CNTNAP2: variants seen among roughly 807,000 people sequenced by gnomAD.
CNTNAP2 encodes the protein contactin-associated protein-like 2.
Under a neutral mutation model 155.2 loss-of-function variants are expected in CNTNAP2, and 98 were observed. That is an observed-to-expected ratio of 0.63 (90% confidence interval 0.54 to 0.75). The LOEUF (loss-of-function observed/expected upper bound fraction) is 0.75. CNTNAP2 is among the 30% of genes least tolerant of loss of function. The pLI, the probability that CNTNAP2 is intolerant of heterozygous loss-of-function variation, is 0.00. For missense variants in CNTNAP2, 1,727 were observed against 1,688.1 expected, an observed-to-expected ratio of 1.02 and a Z score of -0.40; for synonymous variants, 651 against 631.2, an observed-to-expected ratio of 1.03 and a Z score of -0.47.
chr7:148,016,279 A>G (rs139357147), intron 15 of CNTNAP2, among the ~76,000 whole-genome samples: 38 of 152,182 alleles, frequency 2.5e-4, no homozygotes, highest in African/African-American at 9.2e-4. Flanking sequence ...GGTAGAGCTG[A>G]TTGTGATACC....
intron 3 of CNTNAP2, among the ~76,000 whole-genome samples, chr7:146,869,206 T>A (rs1422791426): frequency 6.6e-6 from 1 of 152,216 alleles, no homozygotes; most frequent in Non-Finnish European, 1.5e-5. Flanking sequence ...ACCTAGTTTA[T>A]TGAGAGTTTT....
At chr7:147,824,833 G>T (rs1798422575) in intron 13 of CNTNAP2, among the ~76,000 whole-genome samples, 1 of 152,078 alleles carries the variant, frequency 6.6e-6, no homozygotes, top group African/African-American at 2.4e-5. Flanking sequence ...CTGAGTAGTT[G>T]TCTGGGGGAC....
At chr7:146,622,243 A>ATATC (rs71165020) in intron 1 of CNTNAP2, among the ~76,000 whole-genome samples, 9,502 of 144,292 alleles carry the variant, frequency 0.066, 367 homozygotes, top group Admixed American at 0.1. Flanking sequence ...ATGTGTGTGT[A>ATATC]TATCTATCTA....
At chr7:146,127,241 C>T (rs1797650504) in intron 1 of CNTNAP2, among the ~76,000 whole-genome samples, 1 of 152,142 alleles carries the variant, frequency 6.6e-6, no homozygotes, top group Admixed American at 6.5e-5. Flanking sequence ...AGAGGAAACT[C>T]ATTTACGGTC....
At chr7:148,090,635 C>T (rs981744403) in intron 15 of CNTNAP2, among the ~76,000 whole-genome samples, 5 of 152,182 alleles carry the variant, frequency 3.3e-5, no homozygotes, top group African/African-American at 9.6e-5. Flanking sequence ...GGAACCATTA[C>T]ACATTGTTGG....
At chr7:147,324,685 T>C (rs1795417568) in intron 9 of CNTNAP2, among the ~76,000 whole-genome samples, 1 of 152,236 alleles carries the variant, frequency 6.6e-6, no homozygotes, top group Non-Finnish European at 1.5e-5. Context: ...ATGCTGATTT[T>C]ATTTTTACTT....
At chr7:148,217,640 CA>C in intron 19 of CNTNAP2, 116 bp downstream of exon 19, 1 of 1,141,726 alleles carries the variant, frequency 8.8e-7, no homozygotes, top group Non-Finnish European at 1.3e-6. Flanking sequence ...CTTTTTTAAG[CA>C]AGTCACATAA....
intron 1 of CNTNAP2, among the ~76,000 whole-genome samples, chr7:146,597,270 A>T (rs1214640162): frequency 6.6e-6 from 1 of 152,064 alleles, no homozygotes; most frequent in Non-Finnish European, 1.5e-5. Context: ...AAGGTTATTT[A>T]GTGTGCTTTA....
At chr7:147,621,105 C>A (rs886366272) in intron 12 of CNTNAP2, among the ~76,000 whole-genome samples, 1 of 152,018 alleles carries the variant, frequency 6.6e-6, no homozygotes, top group Non-Finnish European at 1.5e-5. Flanking sequence ...AAGAAAAAAA[C>A]TTTTACCCTA....
At chr7:146,635,278 G>A (rs911085537) in intron 1 of CNTNAP2, among the ~76,000 whole-genome samples, 1 of 152,054 alleles carries the variant, frequency 6.6e-6, no homozygotes, top group African/African-American at 2.4e-5. Flanking sequence ...TTCCATATTG[G>A]CTCTAAGAAA....
At position 146,840,336 on chromosome 7, in the gene CNTNAP2, G is replaced by A. The variant is rs564657558; in HGVS notation, c.402+432G>A. On this transcript the variant is annotated intron_variant, in intron 3 of 23. Coordinates refer to ENST00000361727, the MANE Select transcript of CNTNAP2 (RefSeq NM_014141.6). ...AAAAGAACTTGTCCATTTTATAATA[G>A]TGTCTTAAACACTTATTACAGATCT... 1.4e-4 allele frequency among the ~76,000 whole-genome samples: 21 copies of A among 152,258 alleles called. No individual in the cohort carries two copies. In the East Asian group the frequency reaches 4.1e-3, roughly 29 times the overall value.
chr7:146,589,430 T>G (rs1252941997), intron 1 of CNTNAP2, among the ~76,000 whole-genome samples: 5 of 152,056 alleles, frequency 3.3e-5, no homozygotes, highest in Non-Finnish European at 7.4e-5. Context: ...TAAAAAAGGA[T>G]GAGTTCATGT....
chr7:146,730,584 CTAA>C (rs1801508542), intron 1 of CNTNAP2, among the ~76,000 whole-genome samples: 2 of 152,068 alleles, frequency 1.3e-5, no homozygotes, highest in African/African-American at 4.8e-5. Flanking sequence ...TTATTTATAA[CTAA>C]TGTTTATTAA....
At chr7:146,612,032 A>G (rs1799146861) in intron 1 of CNTNAP2, among the ~76,000 whole-genome samples, 1 of 152,232 alleles carries the variant, frequency 6.6e-6, no homozygotes, top group Admixed American at 6.5e-5. Flanking sequence ...AACACTATCT[A>G]CAATAAAAAT....
At chr7:147,067,289 C>CAAA (rs36080849) in intron 4 of CNTNAP2, among the ~76,000 whole-genome samples, 5 of 67,962 alleles carry the variant, frequency 7.4e-5, no homozygotes, top group African/African-American at 1.2e-4. Context: ...GACTCCGTCT[C>CAAA]AAAAAAAAAA....
chr7:147,325,560 C>T (rs988974554), intron 9 of CNTNAP2, among the ~76,000 whole-genome samples: 6 of 152,020 alleles, frequency 3.9e-5, no homozygotes, highest in South Asian at 4.2e-4. Context: ...GAAAATGAAG[C>T]GTAACTCCTA....
chr7:148,264,918 C>G (rs561197682), intron 20 of CNTNAP2, among the ~76,000 whole-genome samples: 8 of 152,252 alleles, frequency 5.3e-5, no homozygotes, highest in African/African-American at 1.4e-4. Context: ...TGGTCTCGAT[C>G]TCTTGATCTC....
In CNTNAP2 at chr7:148,118,115, C is replaced by T; in HGVS notation, c.2384-3C>T. 6.2e-7 allele frequency: 1 copy of T among 1,614,056 alleles called. No individual in the cohort carries two copies. The highest frequency in any genetic ancestry group is 1.1e-5 in the South Asian group (1 of 91,084). The stretch of plus-strand genomic sequence containing the variant: ...ACCTGATTTTTTTGTTTTCTTCCCA[C>T]AGGGAATTATTGGAATGCCGCCTCT... On this transcript the variant is annotated splice_polypyrimidine_tract_variant and splice_region_variant and intron_variant, in intron 15 of 23. Transcript: ENST00000361727.
intron 8 of CNTNAP2, among the ~76,000 whole-genome samples, chr7:147,246,947 C>A (rs1481069092): frequency 6.6e-6 from 1 of 152,066 alleles, no homozygotes; most frequent in Admixed American, 6.6e-5. Flanking sequence ...AATCTAAACC[C>A]AACAAAAAAG....
Sources: allele counts gnomAD v4.1 joint callset (sites outside exome capture counted in the v4.1 genomes callset), GRCh38; gene constraint gnomAD v4.1.1; transcripts MANE v1.5; gene names NCBI Gene and HGNC (gene_info 2026-07-23, HGNC 2026-07-21).